PLCB1: variants seen among roughly 807,000 people sequenced by gnomAD.
The protein encoded by PLCB1 is 1-phosphatidylinositol 4,5-bisphosphate phosphodiesterase beta-1.
Under a neutral mutation model 161.8 loss-of-function variants are expected in PLCB1, and 46 were observed. The ratio of observed to expected loss-of-function variants is 0.28; its 90% confidence interval spans 0.22 to 0.36. The LOEUF (loss-of-function observed/expected upper bound fraction) is 0.36, where lower values mean the gene tolerates loss of function less well. Among genes scored for constraint, PLCB1 ranks in the 10% least tolerant of loss-of-function variants. PLCB1 has a pLI of 1.00. For synonymous variants in PLCB1, 517 were observed against 503.7 expected (o/e 1.03, Z -0.35); for missense variants, 1,016 against 1,472.5 (o/e 0.69, Z 5.07).
At chr20:8,630,004 T>TTC (rs1391601766) in intron 4 of PLCB1, among the ~76,000 whole-genome samples, 2 of 110,956 alleles carry the variant, frequency 1.8e-5, no homozygotes, top group Non-Finnish European at 3.7e-5. Flanking sequence ...CTTTCTTTCT[T>TTC]TCTTTCTCTT....
chr20:8,453,831 C>G (rs1981178722), intron 3 of PLCB1, among the ~76,000 whole-genome samples: 1 of 152,138 alleles, frequency 6.6e-6, no homozygotes, highest in South Asian at 2.1e-4. Context: ...TAAGTTGTAT[C>G]CCTCTAAAAG....
chr20:8,589,976 C>T (rs967299609), intron 3 of PLCB1, among the ~76,000 whole-genome samples: 1 of 152,058 alleles, frequency 6.6e-6, no homozygotes, highest in African/African-American at 2.4e-5. Flanking sequence ...ACCCTTATGA[C>T]CTAATCAGCT....
chr20:8,150,417 A>G (rs759934759), intron 2 of PLCB1, 46 bp downstream of exon 2: 3 of 843,774 alleles, frequency 3.6e-6, no homozygotes, highest in Non-Finnish European at 5.8e-6. Context: ...GTCGTTTACT[A>G]CTTTGAAAAG....
chr20:8,805,543 A>G (rs1984494708), intron 31 of PLCB1, among the ~76,000 whole-genome samples: 1 of 152,256 alleles, frequency 6.6e-6, no homozygotes, highest in African/African-American at 2.4e-5. Flanking sequence ...AAAGGCATCA[A>G]AATATTTTTC....
chr20:8,460,490 G>A lies in PLCB1; in HGVS notation c.246+89040G>A, dbSNP rs116111672. On this transcript the variant is annotated intron_variant, in intron 3 of 31. Transcript: ENST00000338037. ...GCATTTATCAAAACACAAGGTGAAT[G>A]CATTATCCACATTAACTGCTGTTCA... Among the ~76,000 whole-genome samples the A allele has an allele frequency of 7.9e-3, 1,203 of 152,318 alleles. 21 individuals are homozygous for A. The highest frequency in any genetic ancestry group is 0.027 in the African/African-American group (1,120 of 41,562).
intron 3 of PLCB1, among the ~76,000 whole-genome samples, chr20:8,523,490 CTCTCTCTA>C (rs1181667545): frequency 1.0e-4 from 7 of 67,730 alleles, no homozygotes; most frequent in East Asian, 8.9e-4. Context: ...CTCTCTCTCT[CTCTCTCTA>C]TATATATATA....
At chr20:8,816,545 C>T (rs1600351275) in intron 31 of PLCB1, among the ~76,000 whole-genome samples, 1 of 152,164 alleles carries the variant, frequency 6.6e-6, no homozygotes, top group African/African-American at 2.4e-5. Context: ...AGAACAAAAA[C>T]ATGTTCAGAC....
intron 3 of PLCB1, among the ~76,000 whole-genome samples, chr20:8,600,141 G>A (rs1168203330): frequency 2.2e-5 from 3 of 134,444 alleles, no homozygotes; most frequent in African/African-American, 8.9e-5. Flanking sequence ...CGTTGCTGGT[G>A]AGGAACTGCG....
intron 2 of PLCB1, among the ~76,000 whole-genome samples, chr20:8,315,881 G>A (rs753923432): frequency 9.9e-5 from 15 of 152,200 alleles, no homozygotes; most frequent in Admixed American, 2.0e-4. Flanking sequence ...TGTGTTAACC[G>A]TTGACCACTC....
intron 3 of PLCB1, among the ~76,000 whole-genome samples, chr20:8,522,953 TG>T (rs1984410107): frequency 6.6e-6 from 1 of 152,302 alleles, no homozygotes; most frequent in South Asian, 2.1e-4. Context: ...AGTCAATTGC[TG>T]GGACATTTTA....
At chr20:8,593,251 C>T (rs976347158) in intron 3 of PLCB1, among the ~76,000 whole-genome samples, 1 of 152,162 alleles carries the variant, frequency 6.6e-6, no homozygotes, top group Admixed American at 6.5e-5. Flanking sequence ...TGGCTCACTG[C>T]AGCCTCAACC....
At chr20:8,398,386 AC>A (rs1371584043) in intron 3 of PLCB1, among the ~76,000 whole-genome samples, 1 of 152,198 alleles carries the variant, frequency 6.6e-6, no homozygotes, top group Non-Finnish European at 1.5e-5. Context: ...TGTCTTAGTC[AC>A]TTTGGGCTTC....
At chr20:8,717,579 CAT>C (rs1979391170) in intron 13 of PLCB1, 90 bp from the exon 14 acceptor site, 11 of 936,762 alleles carry the variant, frequency 1.2e-5, no homozygotes, top group Non-Finnish European at 1.6e-5. Flanking sequence ...GAAGTCTAGA[CAT>C]TTGGTATCCA....
At chr20:8,640,757 G>C (rs1988926964) in intron 4 of PLCB1, among the ~76,000 whole-genome samples, 1 of 152,206 alleles carries the variant, frequency 6.6e-6, no homozygotes, top group Non-Finnish European at 1.5e-5. Context: ...ATACACCTGA[G>C]ACTCCCAGTG....
At chr20:8,681,107 TATATATATATATA>T (rs1293549299) in intron 9 of PLCB1, among the ~76,000 whole-genome samples, 2 of 110,136 alleles carry the variant, frequency 1.8e-5, no homozygotes, top group African/African-American at 8.2e-5. Context: ...TATATATATA[TATATATATATATA>T]ATATATATAA....
At chr20:8,806,339 G>A (rs962512815) in intron 31 of PLCB1, among the ~76,000 whole-genome samples, 3 of 152,040 alleles carry the variant, frequency 2.0e-5, no homozygotes, top group African/African-American at 7.2e-5. Context: ...GCACAGTTGG[G>A]TTAAGATAAT....
rs1303342630 is a variant in PLCB1, at chr20:8,529,045, GATGTTTATCATATATCAAAATCACACAC to G, written c.247-99248_247-99221del. On this transcript the variant is annotated intron_variant, in intron 3 of 31. Coordinates refer to ENST00000338037, the MANE Select transcript of PLCB1 (RefSeq NM_015192.4). Reference sequence around the variant, plus strand: ...TGTACTTCCAGTCCCTTCAGTATCAGATGTTTATCATATATCAAAATCACACACTTGATGTTTTTCCTTTGTACTGAAA... The same window carrying G: ...TGTACTTCCAGTCCCTTCAGTATCAGTTGATGTTTTTCCTTTGTACTGAAA... Among the ~76,000 whole-genome samples, 1,152 of 152,098 alleles carry G rather than the reference GATGTTTATCATATATCAAAATCACACAC, an allele frequency of 7.6e-3. 27 individuals are homozygous for G. The highest frequency in any genetic ancestry group is 0.027 in the African/African-American group (1,107 of 41,526).
chr20:8,493,241 A>G (rs6055860), intron 3 of PLCB1, among the ~76,000 whole-genome samples: 24,509 of 152,092 alleles, frequency 0.16, 2,433 homozygotes, highest in African/African-American at 0.28. Flanking sequence ...ATTTCTGGTC[A>G]TCAAGGGCAC....
At chr20:8,667,730 T>G (rs1461215760) in intron 9 of PLCB1, among the ~76,000 whole-genome samples, 3 of 152,158 alleles carry the variant, frequency 2.0e-5, no homozygotes, top group Non-Finnish European at 1.5e-5. Flanking sequence ...GTCCACAGGA[T>G]AGATAAGTGA....
Sources: gnomAD v4.1 joint callset for allele counts (sites outside exome capture counted in the v4.1 genomes callset) on GRCh38, gnomAD v4.1.1 for gene constraint, MANE v1.5 for transcripts, NCBI Gene and HGNC (gene_info 2026-07-23, HGNC 2026-07-21) for gene names.